Variants in NEURL1 observed in about 807,000 individuals in gnomAD.
The protein encoded by NEURL1 is neuralized E3 ubiquitin protein ligase 1.
A neutral mutation model predicts 41.2 loss-of-function variants in NEURL1; 26 were observed. That is an observed-to-expected ratio of 0.63 (90% CI 0.46 to 0.87). NEURL1 has a LOEUF of 0.87. Ranked by LOEUF, NEURL1 falls within the 40% of genes least tolerant of loss-of-function variation. NEURL1 has a pLI of 0.00. For synonymous variants in NEURL1, 400 were observed against 402.3 expected (o/e 0.99, Z 0.07); for missense variants, 761 against 871.1 (o/e 0.87, Z 1.59).
chr10:103,578,574 C>T (rs2035715928), intron 3 of NEURL1, among the ~76,000 whole-genome samples: 1 of 152,116 alleles, frequency 6.6e-6, no homozygotes, highest in South Asian at 2.1e-4. Flanking sequence ...AAAAGGATTC[C>T]ACTGCTTTTT....
Position 103,548,754 on chromosome 10 carries a change from G to A in NEURL1, c.86-22118G>A, listed in dbSNP as rs866150018. 1.1e-3 allele frequency among the ~76,000 whole-genome samples: 163 copies of A among 152,322 alleles called. 1 individual carries two copies. The highest frequency in any genetic ancestry group is 3.4e-3 in the African/African-American group (141 of 41,572). The stretch of plus-strand genomic sequence containing the variant: ...ACTCTCAAGCGTTGCTGTTATGGAT[G>A]GAGCCAGGCAGCGGCCGTCACAGGT... On this transcript the variant is annotated intron_variant, in intron 1 of 5. Transcript: ENST00000369780.
intron 1 of NEURL1, among the ~76,000 whole-genome samples, chr10:103,510,412 C>T (rs1056774144): frequency 5.3e-5 from 8 of 152,192 alleles, no homozygotes; most frequent in African/African-American, 1.9e-4. Context: ...CCAATTGGAT[C>T]TTAACGTGTG....
intron 4 of NEURL1, chr10:103,588,694 C>G (rs945806243): frequency 2.3e-5 from 10 of 429,176 alleles, no homozygotes; most frequent in Non-Finnish European, 4.2e-5. Flanking sequence ...CCCCAGCAAT[C>G]CCAGCACTTT....
At chr10:103,494,525 A>G in intron 1 of NEURL1, 53 bp downstream of exon 1, 1 of 1,456,030 alleles carries the variant, frequency 6.9e-7, no homozygotes, top group South Asian at 1.3e-5. Flanking sequence ...GTGGAGGGCC[A>G]GGGAGGTGTG....
intron 1 of NEURL1, chr10:103,494,680 T>C (rs11191713): frequency 0.1 from 55,493 of 549,458 alleles, 3,639 homozygotes; most frequent in East Asian, 0.24. Flanking sequence ...CGCAGTTCTG[T>C]CTGCTGGCAC....
intron 1 of NEURL1, chr10:103,494,706 A>G: frequency 1.9e-6 from 1 of 532,284 alleles, no homozygotes; most frequent in Non-Finnish European, 3.3e-6. Flanking sequence ...ACGTCACTGG[A>G]GTCCCCTCAG....
At chr10:103,570,463 A>G (rs1238639296) in intron 1 of NEURL1, among the ~76,000 whole-genome samples, 1 of 152,190 alleles carries the variant, frequency 6.6e-6, no homozygotes, top group Non-Finnish European at 1.5e-5. Context: ...CAGATATGTC[A>G]TAAATATTTA....
At chr10:103,520,731 A>T (rs1448380200) in intron 1 of NEURL1, among the ~76,000 whole-genome samples, 1 of 152,044 alleles carries the variant, frequency 6.6e-6, no homozygotes, top group Non-Finnish European at 1.5e-5. Context: ...GTATGGAGAG[A>T]TAATGGGTGA....
chr10:103,513,665 T>G (rs2034128350), intron 1 of NEURL1, among the ~76,000 whole-genome samples: 1 of 151,440 alleles, frequency 6.6e-6, no homozygotes, highest in Admixed American at 6.6e-5. Context: ...CAGGGCAAGT[T>G]GAAGCAGGTG....
At chr10:103,529,319 A>C (rs2034524270) in intron 1 of NEURL1, among the ~76,000 whole-genome samples, 1 of 152,186 alleles carries the variant, frequency 6.6e-6, no homozygotes, top group African/African-American at 2.4e-5. Flanking sequence ...GAGCCGAGCC[A>C]TGGGTTTGTG....
Position 103,577,005 on chromosome 10 carries a change from C to T in NEURL1, c.649+5183C>T, listed in dbSNP as rs574110720. 3.3e-5 allele frequency among the ~76,000 whole-genome samples: 5 copies of T among 152,310 alleles called. No individual in the cohort carries two copies. The South Asian group carries it at 8.3e-4, about 25-fold the overall frequency. ...ACACTGCCATCTGGGCCTTCTGCTT[C>T]CCAGGCTAAACCAATATTTACCCTC... On this transcript the variant is annotated intron_variant, in intron 3 of 5. Coordinates refer to ENST00000369780, the MANE Select transcript of NEURL1 (RefSeq NM_004210.5).
In NEURL1 at chr10:103,591,260, C is replaced by G. The variant is rs775364423; in HGVS notation, c.*888C>G. The G allele has an allele frequency of 6.5e-6, 1 of 152,884 alleles. No homozygotes were observed. Among genetic ancestry groups the G allele is most frequent in the Non-Finnish European group, 1.5e-5 (1 of 68,216 alleles). 9.5% of individuals were successfully genotyped at this position (152,884 alleles called of 1,614,324 possible). ...CAGGTTTGCAGCTACCCTCTCTGACCTTTTCCCCATATCTTGTGCTGTCCA... is the reference window on the plus strand; with the variant it reads ...CAGGTTTGCAGCTACCCTCTCTGACGTTTTCCCCATATCTTGTGCTGTCCA... On this transcript the variant is annotated 3_prime_UTR_variant, in exon 6 of 6. Coordinates refer to ENST00000369780, the MANE Select transcript of NEURL1 (RefSeq NM_004210.5).
intron 1 of NEURL1, among the ~76,000 whole-genome samples, chr10:103,510,154 C>T (rs1204354033): frequency 6.6e-6 from 1 of 152,120 alleles, no homozygotes; most frequent in East Asian, 1.9e-4. Context: ...GGCCCAGGCT[C>T]CAGCCCTGGC....
chr10:103,568,694 A>G (rs73324149), intron 1 of NEURL1, among the ~76,000 whole-genome samples: 6,992 of 152,208 alleles, frequency 0.046, 555 homozygotes, highest in African/African-American at 0.16. Context: ...AAAAAAAAAG[A>G]TAAGGAACAC....
intron 1 of NEURL1, among the ~76,000 whole-genome samples, chr10:103,561,262 CTTTT>C (rs767348574): frequency 7.1e-6 from 1 of 141,742 alleles, no homozygotes. Flanking sequence ...CTCTGTATTC[CTTTT>C]TTTTTTTTTT....
At chr10:103,572,612 G>A (rs996236010) in intron 3 of NEURL1, among the ~76,000 whole-genome samples, 2 of 152,210 alleles carry the variant, frequency 1.3e-5, no homozygotes, top group African/African-American at 4.8e-5. Flanking sequence ...GAGAATCTCC[G>A]ACTTCCTAGG....
At chr10:103,519,572 C>T (rs1013289082) in intron 1 of NEURL1, among the ~76,000 whole-genome samples, 9 of 152,174 alleles carry the variant, frequency 5.9e-5, no homozygotes, top group African/African-American at 1.4e-4. Flanking sequence ...GCCTGGGCTC[C>T]ACATCGTATG....
chr10:103,519,957 A>T (rs1010533254), intron 1 of NEURL1, among the ~76,000 whole-genome samples: 1 of 151,370 alleles, frequency 6.6e-6, no homozygotes, highest in African/African-American at 2.4e-5. Flanking sequence ...GCTAATTTTT[A>T]AATTTTTTTT....
chr10:103,498,375 C>T (rs914366994), intron 1 of NEURL1, among the ~76,000 whole-genome samples: 5 of 152,210 alleles, frequency 3.3e-5, no homozygotes, highest in Non-Finnish European at 2.9e-5. Context: ...TACAGGCGCC[C>T]GCCACCGCGC....
Sources: allele counts gnomAD v4.1 joint callset (sites outside exome capture counted in the v4.1 genomes callset), GRCh38; gene constraint gnomAD v4.1.1; transcripts MANE v1.5; gene names NCBI Gene and HGNC (gene_info 2026-07-23, HGNC 2026-07-21).